Variants in ADGRB3 observed in about 807,000 individuals in gnomAD.
ADGRB3 encodes the protein adhesion G protein-coupled receptor B3, also known as brain-specific angiogenesis inhibitor 3.
Under a neutral mutation model 193.4 loss-of-function variants are expected in ADGRB3, and 37 were observed. That is an observed-to-expected ratio of 0.19 (90% CI 0.15 to 0.25). The LOEUF is 0.25. Ranked by LOEUF, ADGRB3 falls within the 10% of genes least tolerant of loss-of-function variation. The pLI, the probability that ADGRB3 is intolerant of heterozygous loss-of-function variation, is 1.00. For missense variants in ADGRB3, 1,637 were observed against 1,852.9 expected, an observed-to-expected ratio of 0.88 and a Z score of 2.14; for synonymous variants, 690 against 644.2, an observed-to-expected ratio of 1.07 and a Z score of -1.08.
At chr6:68,811,617 C>T (rs1387608055) in intron 3 of ADGRB3, among the ~76,000 whole-genome samples, 1 of 152,002 alleles carries the variant, frequency 6.6e-6, no homozygotes. Context: ...TACAGGCATA[C>T]ACCACCATGC....
intron 17 of ADGRB3, among the ~76,000 whole-genome samples, chr6:69,134,510 A>G (rs976343499): frequency 6.6e-6 from 1 of 152,050 alleles, no homozygotes; most frequent in African/African-American, 2.4e-5. Context: ...TTCATATCTC[A>G]TATTGCAGAA....
At chr6:69,171,199 A>G (rs1370436440) in intron 17 of ADGRB3, among the ~76,000 whole-genome samples, 1 of 152,194 alleles carries the variant, frequency 6.6e-6, no homozygotes, top group Non-Finnish European at 1.5e-5. Flanking sequence ...ATCTCAATTT[A>G]GACTAGCTAG....
chr6:69,085,561 T>C (rs982288559), intron 17 of ADGRB3, among the ~76,000 whole-genome samples: 1 of 151,736 alleles, frequency 6.6e-6, no homozygotes, highest in Non-Finnish European at 1.5e-5. Context: ...TTTGAATGAC[T>C]CAGACTAATT....
chr6:68,995,147 G>T (rs16900400), intron 11 of ADGRB3, among the ~76,000 whole-genome samples: 17,475 of 152,060 alleles, frequency 0.11, 1,263 homozygotes, highest in African/African-American at 0.21. Context: ...ATTATCTTTT[G>T]AACATTTCAA....
chr6:69,099,599 C>T (rs1224865349), intron 17 of ADGRB3, among the ~76,000 whole-genome samples: 1 of 152,198 alleles, frequency 6.6e-6, no homozygotes. Flanking sequence ...CTTTCTTGCT[C>T]CTCAATGTGC....
chr6:69,273,425 GA>G (rs1386711069), intron 20 of ADGRB3, among the ~76,000 whole-genome samples: 1 of 152,136 alleles, frequency 6.6e-6, no homozygotes, highest in Non-Finnish European at 1.5e-5. Context: ...CTAGTAAATG[GA>G]AAATCTGGCT....
chr6:68,934,339 C>T (rs768617045), intron 4 of ADGRB3, among the ~76,000 whole-genome samples: 4 of 152,130 alleles, frequency 2.6e-5, no homozygotes, highest in Non-Finnish European at 5.9e-5. Flanking sequence ...TTAGCCTGTT[C>T]AGCATCATTG....
intron 3 of ADGRB3, among the ~76,000 whole-genome samples, chr6:68,796,067 A>C (rs1767201274): frequency 6.6e-6 from 1 of 152,152 alleles, no homozygotes; most frequent in African/African-American, 2.4e-5. Context: ...AAGCTTTAGA[A>C]CCAAGTATAT....
chr6:68,639,299 C>T lies in ADGRB3; in HGVS notation c.624C>T (p.Asp208=), dbSNP rs1045838154. 2 of 1,614,018 alleles carry T rather than the reference C, an allele frequency of 1.2e-6. No individual in the cohort carries two copies. ...CPQHLGEWGI[D]DQSLILLNNV... is the part of the protein sequence containing the mutation. ...AGCATTTGGGAGAGTGGGGGATCGACGACCAGTCGCTGATTTTGTTAAATA... is the reference window on the plus strand; with the variant it reads ...AGCATTTGGGAGAGTGGGGGATCGATGACCAGTCGCTGATTTTGTTAAATA... The change falls in exon 3 of 32, where the codon GAC becomes GAT. Residue 208 remains aspartate, a synonymous_variant. Transcript: ENST00000370598.
chr6:69,240,979 C>A (rs780337703), intron 20 of ADGRB3, among the ~76,000 whole-genome samples: 3 of 151,918 alleles, frequency 2.0e-5, no homozygotes, highest in African/African-American at 4.8e-5. Flanking sequence ...ACAAAACATT[C>A]TTCCTTTTCT....
At chr6:68,934,968 A>G (rs556527087) in intron 4 of ADGRB3, among the ~76,000 whole-genome samples, 103 of 152,232 alleles carry the variant, frequency 6.8e-4, no homozygotes, top group Admixed American at 1.9e-3. Context: ...ACTGAAAAGC[A>G]GTCCCATTTG....
chr6:69,261,352 C>G (rs1582587236), intron 20 of ADGRB3, among the ~76,000 whole-genome samples: 1 of 152,186 alleles, frequency 6.6e-6, no homozygotes, highest in African/African-American at 2.4e-5. Flanking sequence ...CTTCAAGATA[C>G]TTCTTTAGAA....
chr6:69,121,675 G>A (rs9454699), intron 17 of ADGRB3, among the ~76,000 whole-genome samples: 32,622 of 150,738 alleles, frequency 0.22, 3,777 homozygotes, highest in Middle Eastern at 0.25. Context: ...CAGCCAGGCC[G>A]AGGCACTCCT....
intron 3 of ADGRB3, among the ~76,000 whole-genome samples, chr6:68,671,713 GT>G (rs1398268281): frequency 6.6e-6 from 1 of 151,614 alleles, no homozygotes; most frequent in Non-Finnish European, 1.5e-5. Context: ...TGGCCTGTAG[GT>G]TTTTGTTTTG....
At chr6:68,880,338 C>G (rs1765700196) in intron 3 of ADGRB3, among the ~76,000 whole-genome samples, 1 of 152,194 alleles carries the variant, frequency 6.6e-6, no homozygotes, top group African/African-American at 2.4e-5. Context: ...AAATAAATAG[C>G]TTCCTTCCTT....
chr6:68,935,873 C>A (rs1767474868), intron 4 of ADGRB3, among the ~76,000 whole-genome samples: 1 of 151,946 alleles, frequency 6.6e-6, no homozygotes, highest in Non-Finnish European at 1.5e-5. Context: ...AGAAATTTTT[C>A]TTTATTTTGA....
At chr6:68,706,861 C>A (rs1005282906) in intron 3 of ADGRB3, among the ~76,000 whole-genome samples, 3 of 152,054 alleles carry the variant, frequency 2.0e-5, no homozygotes, top group African/African-American at 7.2e-5. Context: ...CCTATAATCC[C>A]AGCACTTTGG....
At chr6:69,370,716 G>A (rs994412229) in intron 29 of ADGRB3, among the ~76,000 whole-genome samples, 1 of 152,012 alleles carries the variant, frequency 6.6e-6, no homozygotes, top group South Asian at 2.1e-4. Flanking sequence ...AAAATGCAAA[G>A]CTCATGACTA....
chr6:68,638,223 G>C lies in ADGRB3; in HGVS notation c.-15-438G>C, dbSNP rs369292345. 1.8e-4 allele frequency among the ~76,000 whole-genome samples: 27 copies of C among 152,322 alleles called. No individual in the cohort carries two copies. The East Asian group carries it at 5.2e-3, about 29-fold the overall frequency. On this transcript the variant is annotated intron_variant, in intron 2 of 31. Transcript: ENST00000370598. ...TTCCCAGATTATCAGATTAGATTTT[G>C]TATGATAGTGTTTACCGCAGAGGAC...
Sources: allele counts gnomAD v4.1 joint callset (sites outside exome capture counted in the v4.1 genomes callset), GRCh38; gene constraint gnomAD v4.1.1; transcripts MANE v1.5; gene names NCBI Gene and HGNC (gene_info 2026-07-23, HGNC 2026-07-21).